UNC5B: variants seen among roughly 807,000 people sequenced by gnomAD.
UNC5B encodes netrin receptor UNC5B.
Under a neutral mutation model 103.7 loss-of-function variants are expected in UNC5B, and 56 were observed. The observed-to-expected ratio is 0.54, with a 90% confidence interval of 0.44 to 0.67. The LOEUF is 0.67. Among genes scored for constraint, UNC5B ranks in the 30% least tolerant of loss-of-function variants. The pLI is 0.00. For missense variants in UNC5B, 1,194 were observed against 1,284.5 expected (o/e 0.93, Z 1.08); for synonymous variants, 577 against 542.0 (o/e 1.06, Z -0.90).
intron 1 of UNC5B, among the ~76,000 whole-genome samples, chr10:71,229,566 T>G (rs922679609): frequency 6.6e-6 from 1 of 152,286 alleles, no homozygotes; most frequent in East Asian, 1.9e-4. Context: ...CCATCCACCC[T>G]CCTTCCCATC....
At chr10:71,214,529 C>G (rs1057208740) in intron 1 of UNC5B, among the ~76,000 whole-genome samples, 1 of 151,926 alleles carries the variant, frequency 6.6e-6, no homozygotes, top group Non-Finnish European at 1.5e-5. Flanking sequence ...TGCAGTTAGA[C>G]GTGGGAGGTG....
rs377670159 is a variant in UNC5B, at chr10:71,247,774, A to G, written c.80-32047A>G. On this transcript the variant is annotated intron_variant, in intron 1 of 16. Coordinates refer to ENST00000335350, the MANE Select transcript of UNC5B (RefSeq NM_170744.5). ...GAAACCAGGCAGTGAGTTCTATAGAAATCAGACCGGGGGCTAAGGGAAGAC... is the reference window on the plus strand; with the variant it reads ...GAAACCAGGCAGTGAGTTCTATAGAGATCAGACCGGGGGCTAAGGGAAGAC... 6.6e-5 allele frequency among the ~76,000 whole-genome samples: 10 copies of G among 151,976 alleles called. No individual in the cohort carries two copies. The East Asian group carries it at 1.5e-3, about 23-fold the overall frequency.
rs566257491 is a variant in UNC5B, at chr10:71,287,693, G to A, written c.829G>A (p.Ala277Thr). 8 of 1,613,112 alleles carry A rather than the reference G, an allele frequency of 5.0e-6. No homozygotes were observed. The highest frequency in any genetic ancestry group is 4.5e-5 in the East Asian group (2 of 44,774). The change falls in exon 6 of 17, where the codon GCT (alanine) becomes ACT (threonine). Residue 277 changes from alanine (A) to threonine (T), a missense_variant. By Grantham distance (58) the Ala-to-Thr change is moderately conservative. Transcript: ENST00000335350. The part of the protein sequence containing the change: ...QKRTRTCTNP[A>T]PLNGGAFCEG... ...GCGCACCCGGACCTGCACCAACCCC[G>A]CTCCACTCAACGGAGGGGCCTTCTG...
chr10:71,296,600 G>T lies in UNC5B; in HGVS notation c.2348G>T (p.Trp783Leu). 1 of 1,613,882 alleles carries T rather than the reference G, an allele frequency of 6.2e-7. No homozygotes were observed. Among genetic ancestry groups the T allele is most frequent in the Non-Finnish European group, 8.5e-7 (1 of 1,180,014 alleles). ...CAGGAGATCCCCTTCTATCACATTTGGAGTGGCAGCCAGAAGGCCCTCCAC... is the reference window on the plus strand; with the variant it reads ...CAGGAGATCCCCTTCTATCACATTTTGAGTGGCAGCCAGAAGGCCCTCCAC... ...KYQEIPFYHI[W>L]SGSQKALHCT... Residue 783 changes from tryptophan to leucine, a missense_variant, in exon 15 of 17, where the codon TGG becomes TTG. Trp to Leu is a moderately conservative substitution (Grantham distance 61, BLOSUM62 -2). Transcript: ENST00000335350.
Position 71,288,962 on chromosome 10 carries a change from G to A in UNC5B, c.1071G>A (p.Lys357=). 1 of 1,575,682 alleles carries A rather than the reference G, an allele frequency of 6.3e-7. No individual in the cohort carries two copies. Among genetic ancestry groups the A allele is most frequent in the Admixed American group, 1.7e-5 (1 of 58,834 alleles). The change falls in exon 8 of 17, where the codon AAG becomes AAA. Residue 357 remains lysine, a synonymous_variant. Transcript: ENST00000335350. ...TCCCTTTATTTCCCTTGACAGATAA[G>A]AAAACTCTAAGCGACCCCAACAGCC... ...NCTDGLCMQN[K]KTLSDPNSHL...
Position 71,214,226 on chromosome 10 carries a change from CTCCTGCT to C in UNC5B, c.79+1163_79+1169del, listed in dbSNP as rs200109785. 6.3e-4 allele frequency among the ~76,000 whole-genome samples: 96 copies of C among 152,286 alleles called. No homozygotes were observed. The East Asian group carries it at 0.017, about 27-fold the overall frequency. ...TGACGCAGCCCTCCCCACCTCCTAC[CTCCTGCT>C]GCGAAGTTGACATCCGCCCTTCCCC... On this transcript the variant is annotated intron_variant, in intron 1 of 16. Transcript: ENST00000335350.
chr10:71,292,517 G>C lies in UNC5B; in HGVS notation c.1735G>C (p.Glu579Gln). 6.2e-7 allele frequency: 1 copy of C among 1,606,164 alleles called. No individual in the cohort carries two copies. Among genetic ancestry groups the C allele is most frequent in the African/African-American group, 1.3e-5 (1 of 74,958 alleles). Residue 579 changes from glutamate to glutamine, a missense_variant, in exon 11 of 17, where the codon GAG becomes CAG. Transcript: ENST00000335350. Reference sequence around the variant, plus strand: ...AGCCATTCCCCAGGGCAAGTTCTACGAGATGTATCTACTCATCAACAAGGC... The same window carrying C: ...AGCCATTCCCCAGGGCAAGTTCTACCAGATGTATCTACTCATCAACAAGGC... ...NGAIPQGKFY[E>Q]MYLLINKAES...
intron 1 of UNC5B, among the ~76,000 whole-genome samples, chr10:71,275,127 T>A (rs1844738493): frequency 6.6e-6 from 1 of 152,234 alleles, no homozygotes; most frequent in South Asian, 2.1e-4. Flanking sequence ...TTGACTGTCT[T>A]GTCATTACAT....
chr10:71,232,626 C>G (rs544100274), intron 1 of UNC5B, among the ~76,000 whole-genome samples: 1 of 152,374 alleles, frequency 6.6e-6, no homozygotes, highest in Admixed American at 6.5e-5. Context: ...CCTGGCCTTG[C>G]TTTGGGTCAT....
At chr10:71,251,468 AG>A (rs1844170119) in intron 1 of UNC5B, among the ~76,000 whole-genome samples, 1 of 152,230 alleles carries the variant, frequency 6.6e-6, no homozygotes, top group Non-Finnish European at 1.5e-5. Context: ...TCAGACTTGC[AG>A]GCCCCAGAGC....
intron 6 of UNC5B, among the ~76,000 whole-genome samples, chr10:71,288,255 G>A (rs16928637): frequency 0.077 from 11,709 of 152,210 alleles, 522 homozygotes; most frequent in South Asian, 0.14. Context: ...TTGTGCCTAC[G>A]CTGTTTTTCT....
chr10:71,277,217 C>T (rs1012331625), intron 1 of UNC5B, among the ~76,000 whole-genome samples: 2 of 152,220 alleles, frequency 1.3e-5, no homozygotes, highest in African/African-American at 4.8e-5. Context: ...GGGGGTGGTG[C>T]GGTTAGAAGA....
intron 1 of UNC5B, among the ~76,000 whole-genome samples, chr10:71,216,901 C>T (rs1843341543): frequency 6.6e-6 from 1 of 152,236 alleles, no homozygotes; most frequent in Non-Finnish European, 1.5e-5. Flanking sequence ...CTCCCTCCCC[C>T]AGGGCCTGCA....
intron 4 of UNC5B, among the ~76,000 whole-genome samples, chr10:71,285,672 C>A (rs1845058384): frequency 2.6e-5 from 4 of 152,216 alleles, no homozygotes; most frequent in African/African-American, 9.6e-5. Flanking sequence ...AGGCAGAAAT[C>A]CCCAGAACTC....
intron 1 of UNC5B, among the ~76,000 whole-genome samples, chr10:71,251,665 T>A (rs1233224525): frequency 6.6e-6 from 1 of 152,220 alleles, no homozygotes; most frequent in Non-Finnish European, 1.5e-5. Flanking sequence ...TTGCAGAGTA[T>A]ACATGGTTCC....
Position 71,249,585 on chromosome 10 carries a change from A to G in UNC5B, c.80-30236A>G, listed in dbSNP as rs935815420. 5.9e-5 allele frequency among the ~76,000 whole-genome samples: 9 copies of G among 152,244 alleles called. No individual in the cohort carries two copies. In the East Asian group the frequency reaches 1.2e-3, roughly 20 times the overall value. On this transcript the variant is annotated intron_variant, in intron 1 of 16. Transcript: ENST00000335350. ...TTGGGATCCAGAGCCATCTCTGAGA[A>G]TGTGGCTTTCCAGCTGTCATTTCTA...
intron 9 of UNC5B, 82 bp from the exon 10 acceptor site, chr10:71,291,350 C>T: frequency 2.2e-5 from 34 of 1,520,358 alleles, no homozygotes; most frequent in Non-Finnish European, 3.0e-5. Flanking sequence ...CACAGCTGGA[C>T]ATTTGGGTGG....
chr10:71,253,987 A>G (rs1222560528), intron 1 of UNC5B, among the ~76,000 whole-genome samples: 1 of 152,116 alleles, frequency 6.6e-6, no homozygotes, highest in Non-Finnish European at 1.5e-5. Context: ...AGCCAGGTCC[A>G]CGCTCGCCAA....
At chr10:71,248,411 A>G (rs984547267) in intron 1 of UNC5B, among the ~76,000 whole-genome samples, 1 of 146,122 alleles carries the variant, frequency 6.8e-6, no homozygotes, top group African/African-American at 2.5e-5. Flanking sequence ...AGGCAGGGAG[A>G]AGGGGGGCCC....
Sources: allele counts gnomAD v4.1 joint callset (sites outside exome capture counted in the v4.1 genomes callset), GRCh38; gene constraint gnomAD v4.1.1; transcripts MANE v1.5; gene names NCBI Gene and HGNC (gene_info 2026-07-23, HGNC 2026-07-21).